Variants in NHP2 observed in about 807,000 individuals in gnomAD.
NHP2 encodes NHP2 ribonucleoprotein.
A neutral mutation model predicts 16.7 loss-of-function variants in NHP2; 10 were observed. The observed-to-expected ratio is 0.60, with a 90% CI of 0.37 to 1.01. The LOEUF is 1.01. NHP2 is among the 50% of genes least tolerant of loss of function. NHP2 has a pLI of 0.01. For synonymous variants in NHP2, 87 were observed against 78.9 expected, an observed-to-expected ratio of 1.10 and a Z score of -0.54; for missense variants, 184 against 198.3, an observed-to-expected ratio of 0.93 and a Z score of 0.43.
chr5:178,150,458 G>A (rs1342911199), intron 3 of NHP2: 3 of 352,864 alleles, frequency 8.5e-6, no homozygotes, highest in Non-Finnish European at 1.1e-5. Context: ...ATGGCTCACT[G>A]CAGCCTTGAA....
Position 178,149,965 on chromosome 5 carries a change from TA to T in NHP2, c.337-128del. On this transcript the variant is annotated intron_variant, in intron 3 of 3. Transcript: ENST00000274606. ...TGTTCTGTTCGGTCCATGTTCTATT[TA>T]AAAGCATCTTGAATTGGTTGCCATC... 17 of 1,026,622 alleles carry T rather than the reference TA, an allele frequency of 1.7e-5. No individual in the cohort carries two copies. The South Asian group carries it at 2.7e-4, about 16-fold the overall frequency. The allele number at this position is 1,026,622 out of a possible 1,614,324, so 63.6% of individuals were successfully genotyped here. A position where few individuals can be genotyped will look rare whatever the true frequency, so the allele number is the denominator to read the frequency against.
At position 178,149,794 on chromosome 5, in the gene NHP2, T is replaced by C. The variant is rs1004048449; in HGVS notation, c.381A>G (p.Ile127Met). 6.2e-7 allele frequency: 1 copy of C among 1,613,860 alleles called. No individual in the cohort carries two copies. The highest frequency in any genetic ancestry group is 1.3e-5 in the African/African-American group (1 of 74,912). The change falls in exon 4 of 4, where the codon ATA becomes ATG. Residue 127 changes from isoleucine to methionine, a missense_variant. Coordinates refer to ENST00000274606, the MANE Select transcript of NHP2 (RefSeq NM_017838.4). ...GGTACTCCTCATGGGGCTTGACCAT[T>C]ATCACACAGGTGGGGCGCTTGGAGC... ...AAGSKRPTCV[I>M]MVKPHEEYQE...
intron 3 of NHP2, 168 bp downstream of exon 3, chr5:178,150,720 A>G (rs996357543): frequency 2.6e-6 from 2 of 759,860 alleles, no homozygotes; most frequent in African/African-American, 1.7e-5. Flanking sequence ...CTGAAATGCA[A>G]GAAGTAACAT....
In NHP2 at chr5:178,149,929, G is replaced by A. The variant is rs1372488355; in HGVS notation, c.337-91C>T. On this transcript the variant is annotated intron_variant, in intron 3 of 3. Coordinates refer to ENST00000274606, the MANE Select transcript of NHP2 (RefSeq NM_017838.4). ...ACTGATGACCCACCAGCCTAATCTG[G>A]CCCACAACCATGTTCTGTTCGGTCC... 12 of 1,402,266 alleles carry A rather than the reference G, an allele frequency of 8.6e-6. No homozygotes were observed. In the African/African-American group the frequency reaches 1.1e-4, roughly 13 times the overall value. The allele number at this position is 1,402,266 out of a possible 1,614,324, so 86.9% of individuals were successfully genotyped here.
Position 178,149,839 on chromosome 5 carries a change from C to T in NHP2, c.337-1G>A. On this transcript the variant is annotated splice_acceptor_variant, in intron 3 of 3. Transcript: ENST00000274606. LOFTEE classifies it high-confidence loss of function. ...TGGAGCCTGCGGCTGCACCCAGGTC[C>T]TACAGAGGGGAAAGAAGTGCTGTTT... 6.2e-7 allele frequency: 1 copy of T among 1,613,478 alleles called. No homozygotes were observed. Among genetic ancestry groups the T allele is most frequent in the Non-Finnish European group, 8.5e-7 (1 of 1,179,670 alleles).
At chr5:178,153,293 G>T in intron 2 of NHP2, 198 bp downstream of exon 2, 2 of 665,402 alleles carry the variant, frequency 3.0e-6, no homozygotes, top group Admixed American at 2.3e-5. Context: ...CTTCACTTTG[G>T]AATTCACTTT....
At chr5:178,149,950 G>A (rs1756223064) in intron 3 of NHP2, 112 bp from the exon 4 acceptor site, 15 of 1,180,584 alleles carry the variant, frequency 1.3e-5, no homozygotes, top group Admixed American at 4.3e-5. Context: ...TGTTCTGTTC[G>A]GTCCATGTTC....
At chr5:178,150,610 T>G in intron 3 of NHP2, 1 of 589,082 alleles carries the variant, frequency 1.7e-6, no homozygotes, top group East Asian at 3.5e-5. Flanking sequence ...CCTGAACTCC[T>G]GTCCTCAACT....
chr5:178,150,988 A>G lies in NHP2; in HGVS notation c.236T>C (p.Met79Thr), dbSNP rs1426285845. The G allele has an allele frequency of 2.5e-6, 4 of 1,612,772 alleles. No individual in the cohort carries two copies. The highest frequency in any genetic ancestry group is 3.4e-6 in the Non-Finnish European group (4 of 1,179,382). Residue 79 changes from methionine (M) to threonine (T), a missense_variant, in exon 3 of 4, where the codon ATG becomes ACG. Met to Thr is a moderately conservative substitution (Grantham distance 81, BLOSUM62 -1). Transcript: ENST00000274606. Reference protein sequence around the residue: ...KFVNKGEKGIMVLAGDTLPIE... With the variant: ...KFVNKGEKGITVLAGDTLPIE... The stretch of plus-strand genomic sequence containing the variant: ...GGGCAGTGTGTCTCCTGCCAAAACC[A>G]TGATCCTGAAATGAGAGAAAACACT...
Position 178,153,531 on chromosome 5 carries a change from C to A in NHP2, c.190G>T (p.Val64Leu). The A allele has an allele frequency of 1.2e-6, 2 of 1,614,240 alleles. No individual in the cohort carries two copies. Among genetic ancestry groups the A allele is most frequent in the South Asian group, 2.2e-5 (2 of 91,092 alleles). ...TTGACAAATTTCTGAACCTCTTTCA[C>A]CCCGCGCCGAATCTGCTTCTGCTTC... ...AVKQKQIRRG[V>L]KEVQKFVNKG... The change falls in exon 2 of 4, where the codon GTG becomes TTG. Residue 64 changes from valine to leucine, a missense_variant. By Grantham distance (32) the Val-to-Leu change is conservative (BLOSUM62 1). Transcript: ENST00000274606.
intron 2 of NHP2, among the ~76,000 whole-genome samples, chr5:178,151,286 G>A (rs1326370132): frequency 6.6e-6 from 1 of 152,154 alleles, no homozygotes; most frequent in Non-Finnish European, 1.5e-5. Flanking sequence ...GGATGACTGT[G>A]TGGCAGGCAG....
rs764657822 is a variant in NHP2 at position 178,153,686 on chromosome 5, C to G, written c.132G>C (p.Thr44=). Residue 44 remains threonine, a synonymous_variant, in exon 1 of 4, where the codon ACG becomes ACC. Coordinates refer to ENST00000274606, the MANE Select transcript of NHP2 (RefSeq NM_017838.4). The stretch of plus-strand genomic sequence containing the variant: ...TCTTGATGCATTTGTAGAGCTTCCG[C>G]GTGAGGCGGCGAGAAGCCAGGGGCT... ...IAQPLASRRL[T]RKLYKCIKKA... The G allele has an allele frequency of 1.2e-6, 2 of 1,613,896 alleles. No homozygotes were observed. Among genetic ancestry groups the G allele is most frequent in the Admixed American group, 1.7e-5 (1 of 59,988 alleles).
At chr5:178,149,898 TCAC>T in intron 3 of NHP2, 60 bp from the exon 4 acceptor site, 1 of 1,589,766 alleles carries the variant, frequency 6.3e-7, no homozygotes, top group East Asian at 2.2e-5. Flanking sequence ...TGCCAGGAAG[TCAC>T]CAACTGATGA....
chr5:178,153,279 T>C, intron 2 of NHP2: 1 of 643,176 alleles, frequency 1.6e-6, no homozygotes, highest in Non-Finnish European at 2.9e-6. Context: ...GCTTACACAA[T>C]TCGCTTCACT....
intron 2 of NHP2, among the ~76,000 whole-genome samples, chr5:178,152,095 C>T (rs770066085): frequency 6.6e-6 from 1 of 152,158 alleles, no homozygotes; most frequent in Non-Finnish European, 1.5e-5. Flanking sequence ...CTGTCTCCAC[C>T]ATCACCTCTC....
At chr5:178,150,384 A>AT (rs58292208) in intron 3 of NHP2, 6,118 of 224,200 alleles carry the variant, frequency 0.027, 19 homozygotes, top group Non-Finnish European at 0.037. Context: ...CCCAGCCTCT[A>AT]TTTTTTTTTT....
chr5:178,153,812 G>C lies in NHP2; in HGVS notation c.6C>G (p.Thr2=). ...GCCCGTCGGGATCTGCCTTTATTTT[G>C]GTCATCGCAGCGGCCGCTGAAACCT... is the stretch of plus-strand genomic sequence containing the variant. M[T]KIKADPDGPE... Residue 2 remains threonine (T), a synonymous_variant, in exon 1 of 4, where the codon ACC becomes ACG. Transcript: ENST00000274606. The C allele has an allele frequency of 6.2e-7, 1 of 1,607,724 alleles. No individual in the cohort carries two copies. Among genetic ancestry groups the C allele is most frequent in the Non-Finnish European group, 8.5e-7 (1 of 1,177,320 alleles).
At chr5:178,151,769 T>C (rs574031248) in intron 2 of NHP2, among the ~76,000 whole-genome samples, 4 of 152,240 alleles carry the variant, frequency 2.6e-5, no homozygotes, top group Admixed American at 1.3e-4. Context: ...GTGCCATCTA[T>C]GTGCTGAAAA....
intron 2 of NHP2, chr5:178,153,212 G>C: frequency 3.9e-6 from 2 of 517,034 alleles, no homozygotes; most frequent in South Asian, 4.1e-5. Context: ...GCAAGGAGCG[G>C]AGCCCGGGGA....
Sources: allele counts gnomAD v4.1 joint callset (sites outside exome capture counted in the v4.1 genomes callset), GRCh38; gene constraint gnomAD v4.1.1; transcripts MANE v1.5; gene names NCBI Gene and HGNC (gene_info 2026-07-23, HGNC 2026-07-21).